The following SARDH variants were observed in gnomAD, a reference collection of about 807,000 sequenced individuals.
SARDH encodes sarcosine dehydrogenase, mitochondrial.
SARDH carries 95 observed loss-of-function variants against 109.1 expected under a neutral mutation model. The observed-to-expected ratio is 0.87, with a 90% confidence interval of 0.74 to 1.03. The LOEUF is 1.03. Ranked by LOEUF, SARDH falls within the 50% of genes least tolerant of loss-of-function variation. SARDH has a pLI of 0.00. For missense variants in SARDH, 1,267 were observed against 1,287.8 expected, an observed-to-expected ratio of 0.98 and a Z score of 0.25; for synonymous variants, 572 against 534.8, an observed-to-expected ratio of 1.07 and a Z score of -0.96.
In SARDH at chr9:133,689,234, C is replaced by T. The variant is rs527997776; in HGVS notation, c.2069+1146G>A. Among the ~76,000 whole-genome samples, 11 of 149,726 alleles carry T rather than the reference C, an allele frequency of 7.3e-5. No homozygotes were observed. In the East Asian group the frequency reaches 1.2e-3, roughly 16 times the overall value. On this transcript the variant is annotated intron_variant, in intron 16 of 20. Coordinates refer to ENST00000439388, the MANE Select transcript of SARDH (RefSeq NM_001134707.2). ...CTTTCCCATCCTCTCCCCGAAGCTG[C>T]CACCATCATTTTCCAGAGACAGATC...
Position 133,666,195 on chromosome 9 carries a change from G to A in SARDH, c.2631+540C>T, listed in dbSNP as rs1325632644. Among the ~76,000 whole-genome samples the A allele has an allele frequency of 6.6e-6, 1 of 151,830 alleles. No homozygotes were observed. Among genetic ancestry groups the A allele is most frequent in the Non-Finnish European group, 1.5e-5 (1 of 68,014 alleles). On this transcript the variant is annotated intron_variant, in intron 20 of 20. Coordinates refer to ENST00000439388, the MANE Select transcript of SARDH (RefSeq NM_001134707.2). The surrounding 1 kb of genome is among the most constrained non-coding windows in gnomAD (Gnocchi z 5.2). ...GTTGCCTGGGGTCAGGGGTGTCGGGGGTGAGGAAAGAGAGGATAGGAACAT... is the reference window on the plus strand; with the variant it reads ...GTTGCCTGGGGTCAGGGGTGTCGGGAGTGAGGAAAGAGAGGATAGGAACAT...
intron 13 of SARDH, 81 bp downstream of exon 13, chr9:133,702,835 G>T: frequency 7.6e-7 from 1 of 1,314,746 alleles, no homozygotes; most frequent in Non-Finnish European, 1.1e-6. Flanking sequence ...GCCCCTGCAG[G>T]GCCAGCCGAG....
intron 4 of SARDH, 41 bp from the exon 5 acceptor site, chr9:133,730,228 C>A (rs763420817): frequency 6.2e-7 from 1 of 1,607,100 alleles, no homozygotes; most frequent in Non-Finnish European, 8.5e-7. Context: ...CCACGGGACT[C>A]CCCGGGGGTG....
At chr9:133,685,117 C>T (rs1013686668) in intron 17 of SARDH, 76 bp downstream of exon 17, 10 of 1,281,744 alleles carry the variant, frequency 7.8e-6, no homozygotes, top group Non-Finnish European at 9.8e-6. Context: ...GAGCCCCCAG[C>T]CCCCAGATCC....
At chr9:133,699,210 G>T (rs1831394089) in intron 13 of SARDH, among the ~76,000 whole-genome samples, 1 of 152,174 alleles carries the variant, frequency 6.6e-6, no homozygotes, top group African/African-American at 2.4e-5. Context: ...GCTGGGCGTG[G>T]TGGTGCATGC....
intron 3 of SARDH, 38 bp downstream of exon 3, chr9:133,732,385 C>T (rs976909676): frequency 1.6e-6 from 2 of 1,263,060 alleles, no homozygotes; most frequent in Non-Finnish European, 2.2e-6. Flanking sequence ...CCCACCCACC[C>T]AAGCCCCCCT....
At chr9:133,725,609 G>C (rs753636589) in intron 6 of SARDH, 5 of 382,554 alleles carry the variant, frequency 1.3e-5, no homozygotes, top group South Asian at 5.7e-5. Context: ...CCGGGAGGCG[G>C]AGGTTGCAGT....
At chr9:133,713,527 A>G (rs688511) in intron 8 of SARDH, among the ~76,000 whole-genome samples, 95,860 of 152,202 alleles carry the variant, frequency 0.63, 30,309 homozygotes, top group South Asian at 0.73. Context: ...GAGAGGGCAG[A>G]GACCAGTTTT....
chr9:133,661,590 T>A (rs2131302439), downstream of SARDH, among the ~76,000 whole-genome samples: 1 of 151,186 alleles, frequency 6.6e-6, no homozygotes, highest in East Asian at 2.0e-4. Context: ...CAAGCAATTC[T>A]CCCACCTCAG....
At chr9:133,734,240 G>C in intron 1 of SARDH, 37 bp from the exon 2 acceptor site, 2 of 1,380,926 alleles carry the variant, frequency 1.4e-6, no homozygotes, top group Non-Finnish European at 1.9e-6. Flanking sequence ...GGTGCAGAGG[G>C]GACACGCTGG....
chr9:133,719,181 A>ACTCTGTCCTCG, intron 6 of SARDH, 139 bp from the exon 7 acceptor site: 1 of 667,164 alleles, frequency 1.5e-6, no homozygotes, highest in Non-Finnish European at 2.6e-6. Flanking sequence ...CCCCGAGGAC[A>ACTCTGTCCTCG]GAGTGGACAC....
intron 15 of SARDH, among the ~76,000 whole-genome samples, chr9:133,691,112 C>T (rs867061247): frequency 9.1e-4 from 137 of 151,066 alleles, no homozygotes; most frequent in African/African-American, 3.1e-3. Context: ...GAACTGGGGC[C>T]GTTTCTGGAT....
Position 133,712,773 on chromosome 9 carries a change from A to G in SARDH, c.1238-64T>C, listed in dbSNP as rs919421437. 3 of 1,459,446 alleles carry G rather than the reference A, an allele frequency of 2.1e-6. No individual in the cohort carries two copies. The highest frequency in any genetic ancestry group is 1.9e-6 in the Non-Finnish European group (2 of 1,056,404). 90.4% of individuals were successfully genotyped at this position (1,459,446 alleles called of 1,614,324 possible). ...CAGGGTCCCCCACCCATGTCCAAAC[A>G]TGTGCCCCCATCTCCACGGACAGCA... On this transcript the variant is annotated intron_variant, in intron 9 of 20. Transcript: ENST00000439388. The surrounding 1 kb of genome is among the most constrained non-coding windows in gnomAD (Gnocchi z 4.1).
rs182824247 is a variant in SARDH, at chr9:133,693,703, G to A, written c.1921+555C>T. ...GACAAGAGGCAGGTCCTGGCTCTGC[G>A]TAACAGTTGGGGCTGAGCAAACAAG... On this transcript the variant is annotated intron_variant, in intron 15 of 20. Transcript: ENST00000439388. The surrounding 1 kb of genome is among the most constrained non-coding windows in gnomAD (Gnocchi z 5.6). Among the ~76,000 whole-genome samples, 99 of 152,318 alleles carry A rather than the reference G, an allele frequency of 6.5e-4. No individual in the cohort carries two copies. Among genetic ancestry groups the A allele is most frequent in the Non-Finnish European group, 1.2e-3 (79 of 68,028 alleles).
Position 133,717,387 on chromosome 9 carries a change from G to GTA in SARDH, c.1088_1089insTA (p.Ala364ThrfsTer31), listed in dbSNP as rs2131463776. The GTA allele has an allele frequency of 1.2e-6, 2 of 1,614,134 alleles. No individual in the cohort carries two copies. Among genetic ancestry groups the GTA allele is most frequent in the East Asian group, 4.5e-5 (2 of 44,880 alleles). On this transcript the variant is annotated frameshift_variant, in exon 8 of 21. Transcript: ENST00000439388. LOFTEE classifies it high-confidence loss of function. ...CCAGCACGGGGACCCTGTTGATGGCGCCTTCAATGTGCTGGGTGAACACCT... is the reference window on the plus strand; with the variant it reads ...CCAGCACGGGGACCCTGTTGATGGCGTACCTTCAATGTGCTGGGTGAACACCT...
At chr9:133,669,696 G>A (rs73662180) in intron 19 of SARDH, among the ~76,000 whole-genome samples, 1,732 of 152,272 alleles carry the variant, frequency 0.011, 40 homozygotes, top group African/African-American at 0.038. Flanking sequence ...CACCTCTGCC[G>A]TGTGACTGGG....
rs117450369 is a variant in SARDH, at chr9:133,731,736, G to A, written c.511-252C>T. 7.6e-3 allele frequency among the ~76,000 whole-genome samples: 1,154 copies of A among 152,342 alleles called. 10 individuals carry two copies. Among genetic ancestry groups the A allele is most frequent in the Non-Finnish European group, 0.011 (740 of 68,034 alleles). On this transcript the variant is annotated intron_variant, in intron 3 of 20. Transcript: ENST00000439388. ...CCTCGCCAGCTGTGTGACCAACCTG[G>A]GGCAAAGTCGCTTCAGGCTCACTCA... is the stretch of plus-strand genomic sequence containing the variant.
At chr9:133,723,807 T>C (rs892668733) in intron 6 of SARDH, among the ~76,000 whole-genome samples, 11 of 152,248 alleles carry the variant, frequency 7.2e-5, no homozygotes, top group South Asian at 4.2e-4. Context: ...TCAGAGTCAA[T>C]TGATTTTCAG....
chr9:133,713,089 C>T lies in SARDH; in HGVS notation c.1186G>A (p.Glu396Lys). The change falls in exon 9 of 21, where the codon GAG becomes AAG. Residue 396 changes from glutamate (E) to lysine (K), a missense_variant. Glu to Lys is a moderately conservative substitution (Grantham distance 56). Coordinates refer to ENST00000439388, the MANE Select transcript of SARDH (RefSeq NM_001134707.2). ...AAGAACCCTCGGAGCTCAGGTGCCTCCCCCATCAGGGGCTTGTGGTCGGGC... is the reference window on the plus strand; with the variant it reads ...AAGAACCCTCGGAGCTCAGGTGCCTTCCCCATCAGGGGCTTGTGGTCGGGC... ...FTPDHKPLMGEAPELRGFFLG... is the reference protein window; with the variant it reads ...FTPDHKPLMGKAPELRGFFLG... The T allele has an allele frequency of 6.2e-7, 1 of 1,613,432 alleles. No homozygotes were observed. Among genetic ancestry groups the T allele is most frequent in the Non-Finnish European group, 8.5e-7 (1 of 1,179,948 alleles).
Sources: gnomAD v4.1 joint callset for allele counts (sites outside exome capture counted in the v4.1 genomes callset) on GRCh38, gnomAD v4.1.1 for gene constraint, Gnocchi (gnomAD v3.1) non-coding constraint, MANE v1.5 for transcripts, NCBI Gene and HGNC (gene_info 2026-07-23, HGNC 2026-07-21) for gene names.